The following RGS12 variants were observed in gnomAD, a reference collection of about 807,000 sequenced individuals.
The protein encoded by RGS12 is regulator of G-protein signaling 12.
RGS12 carries 66 observed loss-of-function variants against 120.1 expected under a neutral mutation model. The observed-to-expected ratio is 0.55, with a 90% CI of 0.45 to 0.67. The LOEUF (loss-of-function observed/expected upper bound fraction) is 0.67. Ranked by LOEUF, RGS12 falls within the 30% of genes least tolerant of loss-of-function variation. RGS12 has a pLI of 0.00. For missense variants in RGS12, 1,859 were observed against 1,957.7 expected, an observed-to-expected ratio of 0.95 and a Z score of 0.95; for synonymous variants, 827 against 804.7, an observed-to-expected ratio of 1.03 and a Z score of -0.47.
intron 2 of RGS12, among the ~76,000 whole-genome samples, 185 bp downstream of exon 2, chr4:3,318,236 T>C (rs954508854): frequency 7.2e-5 from 11 of 152,162 alleles, no homozygotes; most frequent in African/African-American, 2.7e-4. Context: ...CTGGGACCTC[T>C]TGCCCCCTGC....
At chr4:3,393,986 G>A (rs1229463290) in intron 4 of RGS12, among the ~76,000 whole-genome samples, 1 of 152,120 alleles carries the variant, frequency 6.6e-6, no homozygotes, top group Admixed American at 6.5e-5. Context: ...GCTGGAATTT[G>A]GGGAGGAAGC....
At chr4:3,432,503 C>T (rs1326908460) in intron 17 of RGS12, among the ~76,000 whole-genome samples, 1 of 152,222 alleles carries the variant, frequency 6.6e-6, no homozygotes, top group Non-Finnish European at 1.5e-5. Flanking sequence ...TGGCTCTGCG[C>T]ACAGGTGTGG....
chr4:3,326,868 T>C (rs376521843), intron 2 of RGS12, among the ~76,000 whole-genome samples: 9 of 152,298 alleles, frequency 5.9e-5, no homozygotes, highest in East Asian at 5.8e-4. Flanking sequence ...ATTAATATCA[T>C]TAAAGTGACC....
intron 3 of RGS12, among the ~76,000 whole-genome samples, chr4:3,352,414 A>G (rs1714449614): frequency 6.6e-6 from 1 of 152,160 alleles, no homozygotes; most frequent in Admixed American, 6.5e-5. Context: ...TTCTTTCCAC[A>G]GGTGATCCTT....
intron 2 of RGS12, among the ~76,000 whole-genome samples, chr4:3,318,803 G>A (rs28631019): frequency 0.021 from 3,234 of 152,320 alleles, 96 homozygotes; most frequent in African/African-American, 0.074. Context: ...GTTGGGTGCA[G>A]GGAACCCTCT....
chr4:3,356,612 A>G (rs867641470), intron 3 of RGS12, among the ~76,000 whole-genome samples: 3 of 151,838 alleles, frequency 2.0e-5, no homozygotes, highest in Non-Finnish European at 2.9e-5. Context: ...TATCACTAGA[A>G]TAGTATTCAC....
In RGS12 at chr4:3,429,597, A is replaced by G. The variant is rs145174701; in HGVS notation, c.3566-810A>G. On this transcript the variant is annotated intron_variant, in intron 16 of 17. Coordinates refer to ENST00000336727, the MANE Select transcript of RGS12 (RefSeq NM_001394154.1). ...ATAATTCCAATGCTAGAGAAAGCCCAGTTTAGACGCCATCTACCTCGAATG... is the reference window on the plus strand; with the variant it reads ...ATAATTCCAATGCTAGAGAAAGCCCGGTTTAGACGCCATCTACCTCGAATG... Among the ~76,000 whole-genome samples, 804 of 152,328 alleles carry G rather than the reference A, an allele frequency of 5.3e-3. 7 individuals carry two copies. The highest frequency in any genetic ancestry group is 0.018 in the African/African-American group (760 of 41,568).
intron 9 of RGS12, 185 bp downstream of exon 9, chr4:3,417,726 C>T (rs954883803): frequency 6.4e-6 from 4 of 626,030 alleles, no homozygotes; most frequent in Non-Finnish European, 1.1e-5. Flanking sequence ...GACCTGTCAG[C>T]CAGCCAGAGG....
At chr4:3,430,168 G>C (rs1724110924) in intron 16 of RGS12, among the ~76,000 whole-genome samples, 1 of 152,220 alleles carries the variant, frequency 6.6e-6, no homozygotes, top group Non-Finnish European at 1.5e-5. Context: ...CACACAGCGT[G>C]GTTTTTAGGG....
chr4:3,299,725 G>A (rs1426489914), intron 1 of RGS12, among the ~76,000 whole-genome samples: 1 of 152,228 alleles, frequency 6.6e-6, no homozygotes, highest in Admixed American at 6.5e-5. Flanking sequence ...TTAAGTGTTA[G>A]CCTAGAATAG....
At chr4:3,309,833 G>A (rs1560646133) in intron 1 of RGS12, among the ~76,000 whole-genome samples, 1 of 129,264 alleles carries the variant, frequency 7.7e-6, no homozygotes, top group Non-Finnish European at 1.6e-5. Flanking sequence ...GGAATGGCAG[G>A]TGTCTGCTGA....
At chr4:3,407,294 C>G (rs941961853) in intron 4 of RGS12, 1 of 152,212 alleles carries the variant, frequency 6.6e-6, no homozygotes, top group African/African-American at 2.4e-5. Flanking sequence ...AGGCTTCGTG[C>G]GACGTCTCCT....
chr4:3,309,396 CT>C (rs1724179851), intron 1 of RGS12, among the ~76,000 whole-genome samples: 27 of 112,508 alleles, frequency 2.4e-4, no homozygotes, highest in East Asian at 5.5e-4. Context: ...AGCTGGGACC[CT>C]GGAATGGCAG....
intron 17 of RGS12, among the ~76,000 whole-genome samples, chr4:3,434,863 CAG>C (rs1328102372): frequency 1.3e-5 from 2 of 152,236 alleles, no homozygotes; most frequent in Non-Finnish European, 2.9e-5. Context: ...AGGCGACAGT[CAG>C]GGGTCCTGGC....
chr4:3,425,200 A>G (rs1284285913), intron 13 of RGS12, among the ~76,000 whole-genome samples: 1 of 152,180 alleles, frequency 6.6e-6, no homozygotes, highest in African/African-American at 2.4e-5. Flanking sequence ...TCCGAGGGTC[A>G]GTGTTCCCCT....
chr4:3,337,365 C>T (rs867489462), intron 2 of RGS12, among the ~76,000 whole-genome samples: 7 of 152,316 alleles, frequency 4.6e-5, no homozygotes, highest in Middle Eastern at 3.4e-3. Flanking sequence ...CCTACTTCTA[C>T]GTATATACCC....
intron 15 of RGS12, 124 bp from the exon 16 acceptor site, chr4:3,428,434 G>A: frequency 1.1e-6 from 1 of 891,604 alleles, no homozygotes; most frequent in East Asian, 2.5e-5. Context: ...TGGTTTTTCT[G>A]CAATGCATGT....
chr4:3,391,144 A>G (rs1719453118), intron 4 of RGS12, among the ~76,000 whole-genome samples: 1 of 152,224 alleles, frequency 6.6e-6, no homozygotes, highest in Non-Finnish European at 1.5e-5. Context: ...ACTTGATTTA[A>G]TATGTCACAT....
At chr4:3,362,527 TG>T (rs1479813083) in intron 3 of RGS12, among the ~76,000 whole-genome samples, 1 of 119,300 alleles carries the variant, frequency 8.4e-6, no homozygotes, top group Non-Finnish European at 1.7e-5. Flanking sequence ...TGTGTGAGGG[TG>T]TGTTGTGAGG....
Sources: gnomAD v4.1 joint callset for allele counts (sites outside exome capture counted in the v4.1 genomes callset) on GRCh38, gnomAD v4.1.1 for gene constraint, MANE v1.5 for transcripts, NCBI Gene and HGNC (gene_info 2026-07-23, HGNC 2026-07-21) for gene names.